ATP9B: variants seen among roughly 807,000 people sequenced by gnomAD.
ATP9B encodes the protein probable phospholipid-transporting ATPase IIB.
Under a neutral mutation model 146.1 loss-of-function variants are expected in ATP9B, and 110 were observed. The ratio of observed to expected loss-of-function variants is 0.75; its 90% confidence interval spans 0.65 to 0.88. The LOEUF (loss-of-function observed/expected upper bound fraction) is 0.88. ATP9B is among the 40% of genes least tolerant of loss of function. ATP9B has a pLI of 0.00. For synonymous variants in ATP9B, 604 were observed against 569.7 expected (o/e 1.06, Z -0.86); for missense variants, 1,499 against 1,496.4 (o/e 1.00, Z -0.03).
chr18:79,347,332 A>T (rs562979721), intron 23 of ATP9B, among the ~76,000 whole-genome samples: 2 of 152,374 alleles, frequency 1.3e-5, no homozygotes, highest in South Asian at 4.1e-4. Context: ...GAGGGGATAG[A>T]TTGTTTCTTC....
chr18:79,274,671 G>C (rs1014063790), intron 12 of ATP9B, among the ~76,000 whole-genome samples: 3 of 152,134 alleles, frequency 2.0e-5, no homozygotes, highest in African/African-American at 7.2e-5. Context: ...TTGAAGTCAG[G>C]TGTAGTTTAC....
At chr18:79,375,276 C>T in intron 28 of ATP9B, 118 bp from the exon 29 acceptor site, 2 of 883,412 alleles carry the variant, frequency 2.3e-6, no homozygotes, top group Non-Finnish European at 3.6e-6. Context: ...GAAAACGCAG[C>T]TTGCACTGCC....
intron 14 of ATP9B, among the ~76,000 whole-genome samples, chr18:79,305,263 A>G (rs1270816222): frequency 6.6e-6 from 1 of 152,240 alleles, no homozygotes; most frequent in Non-Finnish European, 1.5e-5. Flanking sequence ...AGTAGCATTC[A>G]GTGGTCAGCA....
At chr18:79,231,643 A>G (rs1487679700) in intron 11 of ATP9B, among the ~76,000 whole-genome samples, 2 of 152,066 alleles carry the variant, frequency 1.3e-5, no homozygotes, top group Non-Finnish European at 2.9e-5. Flanking sequence ...CTGGGTATCT[A>G]CCCAGAGGAA....
At chr18:79,204,431 T>C (rs545489183) in intron 9 of ATP9B, among the ~76,000 whole-genome samples, 1 of 152,336 alleles carries the variant, frequency 6.6e-6, no homozygotes, top group East Asian at 1.9e-4. Flanking sequence ...TATTACTCTT[T>C]TGACTCTTCC....
chr18:79,262,154 A>G (rs954283203), intron 12 of ATP9B, among the ~76,000 whole-genome samples: 2 of 108,962 alleles, frequency 1.8e-5, no homozygotes, highest in Non-Finnish European at 3.5e-5. Context: ...TTTTCTCTCC[A>G]TAGAAGTAAA....
intron 11 of ATP9B, among the ~76,000 whole-genome samples, chr18:79,252,088 T>G (rs2096029993): frequency 6.6e-6 from 1 of 152,016 alleles, no homozygotes; most frequent in African/African-American, 2.4e-5. Context: ...TAACAAAGAG[T>G]TTAAGGGTGT....
chr18:79,200,283 T>G (rs1181522299), intron 9 of ATP9B, among the ~76,000 whole-genome samples: 1 of 152,236 alleles, frequency 6.6e-6, no homozygotes, highest in Non-Finnish European at 1.5e-5. Context: ...GAAATGTTGT[T>G]ATGTTGTACA....
At chr18:79,136,471 T>G (rs566527448) in intron 5 of ATP9B, among the ~76,000 whole-genome samples, 26 of 152,216 alleles carry the variant, frequency 1.7e-4, no homozygotes, top group Non-Finnish European at 3.5e-4. Flanking sequence ...TTCATTTAAC[T>G]TTTTGAATCT....
At chr18:79,268,255 C>T (rs1196698429) in intron 12 of ATP9B, among the ~76,000 whole-genome samples, 3 of 152,006 alleles carry the variant, frequency 2.0e-5, no homozygotes, top group African/African-American at 4.8e-5. Flanking sequence ...TTGTAATTAG[C>T]GTACATCTTG....
intron 9 of ATP9B, among the ~76,000 whole-genome samples, chr18:79,197,044 A>T (rs1447382838): frequency 6.6e-6 from 1 of 152,176 alleles, no homozygotes; most frequent in African/African-American, 2.4e-5. Flanking sequence ...ATTTGAGCAT[A>T]TATAGGGTGT....
chr18:79,376,799 A>G (rs993177731), intron 29 of ATP9B, among the ~76,000 whole-genome samples: 2 of 151,294 alleles, frequency 1.3e-5, no homozygotes, highest in South Asian at 2.1e-4. Context: ...GGTTCAAGCA[A>G]TTCTCCTGTC....
chr18:79,125,436 A>T (rs2094267448), intron 4 of ATP9B, among the ~76,000 whole-genome samples: 1 of 152,260 alleles, frequency 6.6e-6, no homozygotes, highest in Admixed American at 6.5e-5. Flanking sequence ...ATTCTTCAGC[A>T]GCACACTTAA....
intron 12 of ATP9B, among the ~76,000 whole-genome samples, chr18:79,271,176 G>C (rs1464250541): frequency 1.3e-5 from 2 of 152,068 alleles, no homozygotes; most frequent in African/African-American, 4.8e-5. Flanking sequence ...ATTATAATGG[G>C]ATTTAGAATT....
intron 27 of ATP9B, among the ~76,000 whole-genome samples, chr18:79,373,387 C>T (rs184389530): frequency 4.4e-4 from 67 of 152,208 alleles, no homozygotes; most frequent in Admixed American, 3.1e-3. Flanking sequence ...CCTCGATTTG[C>T]CATTTCTAAC....
intron 7 of ATP9B, among the ~76,000 whole-genome samples, chr18:79,175,928 G>A (rs1006189664): frequency 6.6e-6 from 1 of 152,154 alleles, no homozygotes; most frequent in Non-Finnish European, 1.5e-5. Context: ...AGATCTGTAT[G>A]GACGTATACA....
At chr18:79,284,034 A>G (rs2096407667) in intron 13 of ATP9B, among the ~76,000 whole-genome samples, 1 of 152,214 alleles carries the variant, frequency 6.6e-6, no homozygotes, top group Non-Finnish European at 1.5e-5. Context: ...TCACATTTTA[A>G]TTATAGCATC....
intron 8 of ATP9B, among the ~76,000 whole-genome samples, chr18:79,187,221 G>A (rs147819685): frequency 2.0e-5 from 3 of 152,326 alleles, no homozygotes; most frequent in Admixed American, 2.0e-4. Flanking sequence ...GGTGGCTTCT[G>A]TTTCCTGTAC....
At chr18:79,192,728 C>G (rs1327087817) in intron 8 of ATP9B, among the ~76,000 whole-genome samples, 2 of 152,148 alleles carry the variant, frequency 1.3e-5, no homozygotes, top group African/African-American at 2.4e-5. Context: ...GGAAGGCCAC[C>G]CTTAGCTTAT....
Sources: gnomAD v4.1 joint callset for allele counts (sites outside exome capture counted in the v4.1 genomes callset) on GRCh38, gnomAD v4.1.1 for gene constraint, MANE v1.5 for transcripts, NCBI Gene and HGNC (gene_info 2026-07-23, HGNC 2026-07-21) for gene names.